The following ENG variants were observed in gnomAD, a reference collection of about 807,000 sequenced individuals.
ENG encodes the protein CD105 antigen.
Under a neutral mutation model 71.0 loss-of-function variants are expected in ENG, and 17 were observed. The ratio of observed to expected loss-of-function variants is 0.24; its 90% confidence interval spans 0.16 to 0.36. ENG has a LOEUF of 0.36. Ranked by LOEUF, ENG falls within the 10% of genes least tolerant of loss-of-function variation. ENG has a pLI of 1.00. For synonymous variants in ENG, 360 were observed against 366.9 expected (o/e 0.98, Z 0.21); for missense variants, 749 against 868.3 (o/e 0.86, Z 1.73).
chr9:127,853,056 C>A (rs182809049), intron 1 of ENG, among the ~76,000 whole-genome samples: 2 of 152,246 alleles, frequency 1.3e-5, no homozygotes, highest in Admixed American at 6.5e-5. Flanking sequence ...ATGATGGCAG[C>A]CATCTTGCAG....
intron 1 of ENG, among the ~76,000 whole-genome samples, chr9:127,847,962 C>G (rs991474905): frequency 6.6e-6 from 1 of 152,150 alleles, no homozygotes; most frequent in Non-Finnish European, 1.5e-5. Flanking sequence ...AAAAGCACAG[C>G]GATTTGACAG....
intron 10 of ENG, 43 bp downstream of exon 10, chr9:127,819,579 A>G (rs1309094209): frequency 6.2e-7 from 1 of 1,611,772 alleles, no homozygotes; most frequent in Non-Finnish European, 8.5e-7. Context: ...GCCCAGCAGC[A>G]GCCCCTGGGC....
intron 1 of ENG, among the ~76,000 whole-genome samples, chr9:127,848,125 G>A (rs558660813): frequency 3.3e-5 from 5 of 152,236 alleles, no homozygotes; most frequent in Non-Finnish European, 5.9e-5. Context: ...GCGCTAGGCC[G>A]GCTCCTGCTA....
At chr9:127,820,166 T>C (rs1830437702) in intron 8 of ENG, 129 bp from the exon 9 acceptor site, 2 of 1,297,080 alleles carry the variant, frequency 1.5e-6, no homozygotes, top group African/African-American at 1.5e-5. Context: ...TGCTCCCTCT[T>C]CATTTTTGTT....
In ENG at chr9:127,818,285, G is replaced by A. The variant is rs753472534; in HGVS notation, c.1521C>T (p.Ile507=). ...LGPEGGTVEL[I]QGRAAKGNCV... is the part of the protein sequence containing the mutation. ...AGTTGCCCTTGGCCGCCCGGCCCTGGATGAGTTCCACGGTGCCTCCCTCAG... is the reference window on the plus strand; with the variant it reads ...AGTTGCCCTTGGCCGCCCGGCCCTGAATGAGTTCCACGGTGCCTCCCTCAG... Residue 507 remains isoleucine (I), a synonymous_variant, in exon 12 of 15, where the codon ATC becomes ATT. Transcript: ENST00000373203. The A allele has an allele frequency of 1.2e-6, 2 of 1,614,102 alleles. No homozygotes were observed. Among genetic ancestry groups the A allele is most frequent in the Non-Finnish European group, 1.7e-6 (2 of 1,180,022 alleles).
At chr9:127,844,508 C>CAGCCTG (rs1412603614) in intron 1 of ENG, among the ~76,000 whole-genome samples, 1 of 151,706 alleles carries the variant, frequency 6.6e-6, no homozygotes, top group African/African-American at 2.4e-5. Context: ...ACTGCAGCCT[C>CAGCCTG]AGCCTCAACC....
chr9:127,824,477 T>C, intron 7 of ENG, 31 bp from the exon 8 acceptor site: 1 of 1,579,700 alleles, frequency 6.3e-7, no homozygotes, highest in East Asian at 2.4e-5. Flanking sequence ...GCCAGGCGGC[T>C]GGTCACTGTG....
chr9:127,819,514 G>A lies in ENG; in HGVS notation c.1311+108C>T, dbSNP rs1830421137. On this transcript the variant is annotated intron_variant, in intron 10 of 14. Coordinates refer to ENST00000373203, the MANE Select transcript of ENG (RefSeq NM_001114753.3). ...AGACCGAGGCATTCCAGACACACAT[G>A]GCTTGCCAGGAGTTTCCCGAGGCCT... 2.7e-6 allele frequency: 4 copies of A among 1,482,480 alleles called. No homozygotes were observed. In the East Asian group the frequency reaches 6.9e-5, roughly 26 times the overall value. The allele number at this position is 1,482,480 out of a possible 1,614,324, so 91.8% of individuals were successfully genotyped here.
intron 2 of ENG, 116 bp downstream of exon 2, chr9:127,842,978 G>T: frequency 2.0e-6 from 3 of 1,492,766 alleles, no homozygotes; most frequent in Non-Finnish European, 2.8e-6. Flanking sequence ...CTTGGCAGGG[G>T]GCCTAACGAG....
chr9:127,816,256 T>A, intron 13 of ENG: 1 of 684,494 alleles, frequency 1.5e-6, no homozygotes, highest in Non-Finnish European at 2.5e-6. Context: ...ACTGTCCACC[T>A]AGAGGGCCCA....
At chr9:127,825,642 GGGGTGGTCTCTC>G in intron 5 of ENG, 41 bp downstream of exon 5, 1 of 1,444,774 alleles carries the variant, frequency 6.9e-7, no homozygotes, top group Non-Finnish European at 9.2e-7. Context: ...GGGGGTCAGG[GGGGTGGTCTCTC>G]GGGGTGGGGA....
chr9:127,848,695 T>C (rs1831228567), intron 1 of ENG, among the ~76,000 whole-genome samples: 8 of 152,202 alleles, frequency 5.3e-5, no homozygotes, highest in Admixed American at 5.2e-4. Flanking sequence ...AACCAGACCA[T>C]ACATGCCCAG....
At chr9:127,845,751 G>A (rs979520949) in intron 1 of ENG, among the ~76,000 whole-genome samples, 4 of 152,160 alleles carry the variant, frequency 2.6e-5, no homozygotes, top group Admixed American at 6.5e-5. Flanking sequence ...CTGTCTCCTG[G>A]GCTGGAGTGC....
In ENG at chr9:127,854,430, C is replaced by T. The variant is rs1444403294; in HGVS notation, c.-75G>A. On this transcript the variant is annotated 5_prime_UTR_variant, in exon 1 of 15. Coordinates refer to ENST00000373203, the MANE Select transcript of ENG (RefSeq NM_001114753.3). ...CAGGGCTGCGGGCGGGCACCGGGGC[C>T]GGCGTGGGCTCGCACGGGGACCCGA... The T allele has an allele frequency of 2.5e-5, 38 of 1,492,250 alleles. No homozygotes were observed. The highest frequency in any genetic ancestry group is 7.4e-5 in the South Asian group (6 of 81,018). The allele number at this position is 1,492,250 out of a possible 1,614,324, so 92.4% of individuals were successfully genotyped here.
chr9:127,840,115 G>A (rs1172770030), intron 2 of ENG, among the ~76,000 whole-genome samples: 1 of 152,192 alleles, frequency 6.6e-6, no homozygotes, highest in Non-Finnish European at 1.5e-5. Flanking sequence ...GCTGCTAATG[G>A]GTCCAGGTTT....
In ENG at chr9:127,818,327, G is replaced by A. The variant is rs1197761705; in HGVS notation, c.1479C>T (p.Cys493=). The stretch of plus-strand genomic sequence containing the variant: ...CTCCCTCAGGCCCCAAGTCCAGGTG[G>A]CAGCTGTCTAACTGGAGCAGGAACT... ...VSEFLLQLDS[C]HLDLGPEGGT... The change falls in exon 12 of 15, where the codon TGC becomes TGT. Residue 493 remains cysteine (C), a synonymous_variant. Coordinates refer to ENST00000373203, the MANE Select transcript of ENG (RefSeq NM_001114753.3). The A allele has an allele frequency of 1.2e-6, 2 of 1,614,050 alleles. No homozygotes were observed. Among genetic ancestry groups the A allele is most frequent in the South Asian group, 1.1e-5 (1 of 91,084 alleles).
chr9:127,852,910 G>A (rs1367086426), intron 1 of ENG, among the ~76,000 whole-genome samples: 5 of 152,118 alleles, frequency 3.3e-5, no homozygotes, highest in South Asian at 2.1e-4. Flanking sequence ...TTTCTCTAAC[G>A]ACCAAGAGGA....
At chr9:127,819,416 T>G in intron 10 of ENG, 1 of 639,802 alleles carries the variant, frequency 1.6e-6, no homozygotes, top group South Asian at 1.8e-5. Context: ...ACAGCCAGTA[T>G]GTGCTAAGCC....
Position 127,825,180 on chromosome 9 carries a change from C to T in ENG, c.816+51G>A, listed in dbSNP as rs1046492820. ...CACCTTTCCAGGAAACTTCCCTGAT[C>T]CAGAGGTTGGGAGTTTGGGTTTTGT... On this transcript the variant is annotated intron_variant, in intron 6 of 14. Transcript: ENST00000373203. The T allele has an allele frequency of 5.0e-6, 8 of 1,612,910 alleles. No homozygotes were observed. In the African/African-American group the frequency reaches 1.1e-4, roughly 22 times the overall value.
Sources: gnomAD v4.1 joint callset for allele counts (sites outside exome capture counted in the v4.1 genomes callset) on GRCh38, gnomAD v4.1.1 for gene constraint, MANE v1.5 for transcripts, NCBI Gene and HGNC (gene_info 2026-07-23, HGNC 2026-07-21) for gene names.